The following MAP3K15 variants were observed in gnomAD, a reference collection of about 807,000 sequenced individuals.
The protein encoded by MAP3K15 is MAPK/ERK kinase kinase 15.
A neutral mutation model predicts 99.5 loss-of-function variants in MAP3K15; 124 were observed. The observed-to-expected ratio is 1.25, with a 90% CI of 1.08 to 1.45. The LOEUF is 1.45. Among genes scored for constraint, MAP3K15 ranks in the 40% most tolerant of loss-of-function variants. MAP3K15 has a pLI of 0.00. For synonymous variants in MAP3K15, 494 were observed against 439.6 expected, an observed-to-expected ratio of 1.12 and a Z score of -1.55; for missense variants, 1,242 against 1,079.7, an observed-to-expected ratio of 1.15 and a Z score of -2.11.
At position 19,369,147 on chromosome X, in the gene MAP3K15, C is replaced by A. The variant is rs1215035447; in HGVS notation, c.3473G>T (p.Gly1158Val). ...GCCAGGTCCGGTGGCTGGGGGATAG[C>A]CCTCTTCCGCTTCATCCATGTCCTT... ...VDKDMDEAEE[G>V]YPPATGPGQE... The change falls in exon 25 of 29, where the codon GGC becomes GTC. Residue 1158 changes from glycine (G) to valine (V), a missense_variant. Physicochemically the swap from Gly to Val is moderately radical, Grantham distance 109. Coordinates refer to ENST00000338883, the MANE Select transcript of MAP3K15 (RefSeq NM_001001671.4). 1.7e-6 allele frequency: 2 copies of A among 1,210,862 alleles called. No individual in the cohort carries two copies. Among genetic ancestry groups the A allele is most frequent in the South Asian group, 1.8e-5 (1 of 56,950 alleles).
intron 27 of MAP3K15, 39 bp from the exon 28 acceptor site, chrX:19,361,454 T>C: frequency 8.4e-7 from 1 of 1,191,419 alleles, no homozygotes; most frequent in Non-Finnish European, 1.1e-6. Context: ...TGAGCAGCTG[T>C]GTAACAACAG....
In MAP3K15 at chrX:19,431,465, T is replaced by A. The variant is rs373969675; in HGVS notation, c.1139A>T (p.Asp380Val). Residue 380 changes from aspartate to valine, a missense_variant, in exon 7 of 29, where the codon GAC becomes GTC. Coordinates refer to ENST00000338883, the MANE Select transcript of MAP3K15 (RefSeq NM_001001671.4). ...CTCAATGGCGCTGTCGCGGCTGGTG[T>A]CATCTTTGCAGTCTGAATCCAAGAA... Reference protein sequence around the residue: ...DIFLDSDCKDDTSRDSAIEWY... With the variant: ...DIFLDSDCKDVTSRDSAIEWY... 1 of 1,200,121 alleles carries A rather than the reference T, an allele frequency of 8.3e-7. No individual in the cohort carries two copies. The highest frequency in any genetic ancestry group is 2.2e-5 in the Admixed American group (1 of 45,945).
In MAP3K15 at chrX:19,515,075, C is replaced by T. The variant is rs2064553010; in HGVS notation, c.187G>A (p.Ala63Thr). 1.1e-6 allele frequency: 1 copy of T among 900,193 alleles called. No homozygotes were observed. The allele number at this position is 900,193 out of a possible 1,213,427, so 74.2% of individuals were successfully genotyped here. ...GAGCTCTCACTGCGCACGTATACTG[C>T]CCGCAGAGCCCGCCGCGGCCCGCCC... ...SGGGPRRALRAVYVRSESSQG... is the reference protein window; with the variant it reads ...SGGGPRRALRTVYVRSESSQG... The change falls in exon 1 of 29, where the codon GCA becomes ACA. Residue 63 changes from alanine to threonine, a missense_variant. Ala to Thr is a moderately conservative substitution (Grantham distance 58, BLOSUM62 0). Transcript: ENST00000338883.
intron 4 of MAP3K15, among the ~76,000 whole-genome samples, chrX:19,462,082 C>T (rs1004129808): frequency 9.1e-6 from 1 of 110,168 alleles, no homozygotes; most frequent in Non-Finnish European, 1.9e-5. Flanking sequence ...TAAAATTAGG[C>T]TGTTCATTAA....
intron 19 of MAP3K15, among the ~76,000 whole-genome samples, chrX:19,378,647 G>T: frequency 9.0e-6 from 1 of 111,596 alleles, no homozygotes; most frequent in Non-Finnish European, 1.9e-5. Context: ...TTCAAGATGA[G>T]ATTTGGGTGG....
chrX:19,496,620 C>T (rs1354052619), intron 1 of MAP3K15: 1 of 111,515 alleles, frequency 9.0e-6, no homozygotes, highest in Non-Finnish European at 1.9e-5. Flanking sequence ...CAGACCCTGA[C>T]AAGGGCACCG....
At position 19,456,915 on chromosome X, in the gene MAP3K15, A is replaced by C. The variant is rs1015054708; in HGVS notation, c.993T>G (p.Asn331Lys). 1 of 1,178,772 alleles carries C rather than the reference A, an allele frequency of 8.5e-7. No homozygotes were observed. ...NIKFHYAFAL[N>K]RRNSTGDREK... ...TGTACGTACATTATCGTTCTTACCT[A>C]TTCAGTGCAAACGCATAGTGGAATT... The change falls in exon 6 of 29, where the codon AAT becomes AAG. Residue 331 changes from asparagine to lysine, a missense_variant and splice_region_variant. Transcript: ENST00000338883.
chrX:19,436,285 G>A (rs1232370629), intron 6 of MAP3K15, among the ~76,000 whole-genome samples: 2 of 111,117 alleles, frequency 1.8e-5, no homozygotes, highest in African/African-American at 6.5e-5. Flanking sequence ...CATCATTGCT[G>A]AATCCACCAC....
Position 19,392,064 on chromosome X carries a change from A to G in MAP3K15, c.2369T>C (p.Ile790Thr), listed in dbSNP as rs1328153713. ...ACGTTTCGAGGTTCCAAAATCGGAG[A>G]TTTTCACCACTCCGCTGTAGGTGTT... ...LVNTYSGVVK[I>T]SDFGTSKRLA... The change falls in exon 18 of 29, where the codon ATC becomes ACC. Residue 790 changes from isoleucine to threonine, a missense_variant. Transcript: ENST00000338883. 1.7e-6 allele frequency: 2 copies of G among 1,209,371 alleles called. No homozygotes were observed. Among genetic ancestry groups the G allele is most frequent in the African/African-American group, 3.5e-5 (2 of 57,180 alleles).
At chrX:19,478,888 T>A (rs2064270725) in intron 3 of MAP3K15, among the ~76,000 whole-genome samples, 2 of 105,191 alleles carry the variant, frequency 1.9e-5, no homozygotes, top group Non-Finnish European at 3.9e-5. Flanking sequence ...TAACAATTCC[T>A]TCTGCAAGTG....
intron 6 of MAP3K15, among the ~76,000 whole-genome samples, chrX:19,452,073 G>T (rs944194795): frequency 0.25 from 1 of 4 alleles, no homozygotes; most frequent in Non-Finnish European, 0.5. Context: ...GAGAAGAGAA[G>T]AGAAGAGAAG....
chrX:19,500,915 T>C (rs1484958435), intron 1 of MAP3K15, among the ~76,000 whole-genome samples: 1 of 112,125 alleles, frequency 8.9e-6, no homozygotes, highest in African/African-American at 3.2e-5. Flanking sequence ...ATATCTACTC[T>C]AAAATGCACT....
intron 5 of MAP3K15, among the ~76,000 whole-genome samples, chrX:19,459,435 A>T (rs1243828355): frequency 8.9e-6 from 1 of 112,589 alleles, no homozygotes; most frequent in African/African-American, 3.2e-5. Context: ...CCTGTTTATG[A>T]CATCTCTTCT....
chrX:19,362,105 C>T (rs903449189), intron 26 of MAP3K15, among the ~76,000 whole-genome samples: 9 of 111,087 alleles, frequency 8.1e-5, no homozygotes, highest in African/African-American at 2.6e-4. Context: ...ACAGAAATGA[C>T]TGTCACTCCC....
At chrX:19,445,954 C>CAAATA (rs2063994920) in intron 6 of MAP3K15, among the ~76,000 whole-genome samples, 1 of 103,595 alleles carries the variant, frequency 9.7e-6, no homozygotes, top group East Asian at 2.9e-4. Flanking sequence ...TCTCAAAAAT[C>CAAATA]AATAAATAAA....
In MAP3K15 at chrX:19,455,199, A is replaced by T. The variant is rs1261357644; in HGVS notation, c.995+1714T>A. Among the ~76,000 whole-genome samples the T allele has an allele frequency of 3.6e-5, 4 of 111,000 alleles. No individual in the cohort carries two copies. The Admixed American group carries it at 3.9e-4, about 11-fold the overall frequency. On this transcript the variant is annotated intron_variant, in intron 6 of 28. Transcript: ENST00000338883. ...CAGGAGATAATCAGACTAGAAGGAA[A>T]AGACCCATCAAAGAGAAAGGTGGCT...
At chrX:19,375,370 C>G (rs917926335) in intron 19 of MAP3K15, among the ~76,000 whole-genome samples, 4 of 111,504 alleles carry the variant, frequency 3.6e-5, no homozygotes, top group African/African-American at 1.3e-4. Flanking sequence ...GCCTCCAGCT[C>G]AAAACCACAA....
chrX:19,427,003 TCAC>T (rs1481299069), intron 7 of MAP3K15, among the ~76,000 whole-genome samples: 1 of 109,942 alleles, frequency 9.1e-6, no homozygotes, highest in Non-Finnish European at 1.9e-5. Flanking sequence ...TCCCAAAAGA[TCAC>T]CACGATTTGA....
At chrX:19,416,941 G>A (rs774289202) in intron 9 of MAP3K15, among the ~76,000 whole-genome samples, 46 of 111,812 alleles carry the variant, frequency 4.1e-4, no homozygotes, top group African/African-American at 1.5e-3. Context: ...AATTAAACAT[G>A]TTATTTTGAG....
Sources: allele counts gnomAD v4.1 joint callset (sites outside exome capture counted in the v4.1 genomes callset), GRCh38; gene constraint gnomAD v4.1.1; transcripts MANE v1.5; gene names NCBI Gene and HGNC (gene_info 2026-07-23, HGNC 2026-07-21).